The following SLC40A1 variants were observed in gnomAD, a reference collection of about 807,000 sequenced individuals.
SLC40A1 encodes the protein ferroportin.
Under a neutral mutation model 53.5 loss-of-function variants are expected in SLC40A1, and 16 were observed. The observed-to-expected ratio is 0.30, with a 90% CI of 0.20 to 0.45. The LOEUF is 0.45. Among genes scored for constraint, SLC40A1 ranks in the 20% least tolerant of loss-of-function variants. The pLI, the probability that SLC40A1 is intolerant of heterozygous loss-of-function variation, is 1.00. For synonymous variants in SLC40A1, 247 were observed against 253.2 expected (o/e 0.98, Z 0.23); for missense variants, 545 against 695.4 (o/e 0.78, Z 2.43).
chr2:189,578,835 T>C (rs1378269146), intron 2 of SLC40A1, among the ~76,000 whole-genome samples: 1 of 152,192 alleles, frequency 6.6e-6, no homozygotes, highest in East Asian at 1.9e-4. Context: ...ACCAATAATG[T>C]AGCTTAACAA....
At chr2:189,579,995 G>A (rs2031405030) in intron 1 of SLC40A1, 115 bp from the exon 2 acceptor site, 2 of 1,018,950 alleles carry the variant, frequency 2.0e-6, no homozygotes, top group African/African-American at 1.6e-5. Context: ...CTACTTTGCA[G>A]GACAAACCAC....
intron 7 of SLC40A1, among the ~76,000 whole-genome samples, 194 bp downstream of exon 7, chr2:189,563,390 A>G (rs1165673180): frequency 2.6e-5 from 4 of 152,130 alleles, no homozygotes; most frequent in African/African-American, 9.6e-5. Flanking sequence ...GTAAACAAAT[A>G]CAGGTTTTCA....
rs184704054 is a variant in SLC40A1, at chr2:189,578,424, T to C, written c.111+1389A>G. ...TAATGAACATGACAAAATATCCTCC[T>C]GGAACAACCACGGTGCCACTGGTTT... is the stretch of plus-strand genomic sequence containing the variant. On this transcript the variant is annotated intron_variant, in intron 2 of 7. Coordinates refer to ENST00000261024, the MANE Select transcript of SLC40A1 (RefSeq NM_014585.6). 310 of 966,852 alleles carry C rather than the reference T, an allele frequency of 3.2e-4. 2 individuals are homozygous for C. In the African/African-American group the frequency reaches 5.0e-3, roughly 16 times the overall value. The allele number at this position is 966,852 out of a possible 1,614,324, so 59.9% of individuals were successfully genotyped here.
chr2:189,571,915 G>A (rs760008480), intron 4 of SLC40A1, 74 bp from the exon 5 acceptor site: 65 of 919,780 alleles, frequency 7.1e-5, no homozygotes, highest in Non-Finnish European at 1.1e-4. Context: ...AAACAAGGCA[G>A]TTTAAAATAG....
intron 6 of SLC40A1, 55 bp from the exon 7 acceptor site, chr2:189,564,280 C>A: frequency 1.3e-6 from 2 of 1,500,938 alleles, no homozygotes; most frequent in African/African-American, 1.4e-5. Context: ...AAATAAAAGC[C>A]AATTATTAGT....
chr2:189,567,866 C>A (rs1253570432), intron 5 of SLC40A1, among the ~76,000 whole-genome samples: 1 of 152,192 alleles, frequency 6.6e-6, no homozygotes, highest in Non-Finnish European at 1.5e-5. Flanking sequence ...CTCCCACTAA[C>A]TAATAAGTTT....
rs13431938 is a variant in SLC40A1, at chr2:189,580,016, T to C, written c.44-136A>G. 711 of 876,806 alleles carry C rather than the reference T, an allele frequency of 8.1e-4. 3 individuals carry two copies. The African/African-American group carries it at 0.011, about 13-fold the overall frequency. 54.3% of individuals were successfully genotyped at this position (876,806 alleles called of 1,614,324 possible). Reference sequence around the variant, plus strand: ...TGCAGGACAAACCACGTACATTTTATCAAGTTACCTATGAACCGATGTATT... The same window carrying C: ...TGCAGGACAAACCACGTACATTTTACCAAGTTACCTATGAACCGATGTATT... On this transcript the variant is annotated intron_variant, in intron 1 of 7. Transcript: ENST00000261024.
intron 5 of SLC40A1, among the ~76,000 whole-genome samples, chr2:189,569,395 A>T (rs1039870255): frequency 6.6e-6 from 1 of 152,222 alleles, no homozygotes; most frequent in Admixed American, 6.5e-5. Flanking sequence ...CAGCCTGCAT[A>T]AACACAAATC....
chr2:189,565,321 G>T, intron 6 of SLC40A1, 33 bp downstream of exon 6: 1 of 1,613,380 alleles, frequency 6.2e-7, no homozygotes, highest in Non-Finnish European at 8.5e-7. Flanking sequence ...CTGAACATGA[G>T]AACAAAAGGA....
At position 189,563,671 on chromosome 2, in the gene SLC40A1, C is replaced by T. The variant is rs748714503; in HGVS notation, c.1315G>A (p.Ala439Thr). 2.5e-6 allele frequency: 4 copies of T among 1,614,076 alleles called. 1 individual carries two copies. In the South Asian group the frequency reaches 4.4e-5, roughly 18 times the overall value. The change falls in exon 7 of 8, where the codon GCT becomes ACT. Residue 439 changes from alanine (A) to threonine (T), a missense_variant. This residue lies in a region of SLC40A1 where 234 missense variants were observed against 299.0 expected (regional missense o/e 0.78). Coordinates refer to ENST00000261024, the MANE Select transcript of SLC40A1 (RefSeq NM_014585.6). ...EIYMSNGSNSANIVPETSPES... is the reference protein window; with the variant it reads ...EIYMSNGSNSTNIVPETSPES... ...GGACTTGTCTCCGGGACAATATTAGCAGAATTAGACCCATTAGACATGTAT... is the reference window on the plus strand; with the variant it reads ...GGACTTGTCTCCGGGACAATATTAGTAGAATTAGACCCATTAGACATGTAT...
At chr2:189,578,767 G>A (rs1307451897) in intron 2 of SLC40A1, among the ~76,000 whole-genome samples, 1 of 152,140 alleles carries the variant, frequency 6.6e-6, no homozygotes, top group Non-Finnish European at 1.5e-5. Flanking sequence ...GTAAGCCTCT[G>A]GTAAGATAGG....
At chr2:189,580,335 T>C in intron 1 of SLC40A1, 83 bp downstream of exon 1, 1 of 1,345,808 alleles carries the variant, frequency 7.4e-7, no homozygotes, top group South Asian at 1.2e-5. Context: ...CAGAGCCACA[T>C]TCCTCCAGAA....
chr2:189,576,626 A>G (rs1157279132), intron 2 of SLC40A1, among the ~76,000 whole-genome samples: 1 of 152,112 alleles, frequency 6.6e-6, no homozygotes, highest in African/African-American at 2.4e-5. Context: ...TTAACCTGAA[A>G]AGCAAATTTA....
chr2:189,564,296 T>A, intron 6 of SLC40A1, 71 bp from the exon 7 acceptor site: 1 of 1,366,782 alleles, frequency 7.3e-7, no homozygotes, highest in Non-Finnish European at 1.0e-6. Flanking sequence ...TTAGTAGTAC[T>A]TTTTTTCCTT....
chr2:189,565,388 C>T lies in SLC40A1; in HGVS notation c.726G>A (p.Glu242=), dbSNP rs2030903625. ...ALAVKAGLKE[E]ETELKQLNLH... is the part of the protein sequence containing the mutation. ...AATTCAGCTGTTTCAATTCAGTTTC[C>T]TCTTCTTTAAGACCAGCTTTCACAG... Residue 242 remains glutamate (E), a synonymous_variant, in exon 6 of 8, where the codon GAG becomes GAA. Transcript: ENST00000261024. The T allele has an allele frequency of 1.2e-6, 2 of 1,614,216 alleles. No individual in the cohort carries two copies. The highest frequency in any genetic ancestry group is 2.2e-5 in the South Asian group (2 of 91,082).
At chr2:189,564,847 C>A (rs1411940357) in intron 6 of SLC40A1, among the ~76,000 whole-genome samples, 2 of 151,968 alleles carry the variant, frequency 1.3e-5, no homozygotes, top group Non-Finnish European at 2.9e-5. Flanking sequence ...CTCAAAAAAA[C>A]AAAAAACAAC....
Position 189,565,428 on chromosome 2 carries a change from T to A in SLC40A1, c.686A>T (p.Lys229Ile). The A allele has an allele frequency of 6.2e-7, 1 of 1,614,242 alleles. No homozygotes were observed. Among genetic ancestry groups the A allele is most frequent in the East Asian group, 2.2e-5 (1 of 44,882 alleles). ...AGCTTTCACAGCTAGAGCTGGGGTT[T>A]TCTGGTAAACCTTCCAGAGCAGAAC... is the stretch of plus-strand genomic sequence containing the variant. The part of the protein sequence containing the change: ...EYVLLWKVYQ[K>I]TPALAVKAGL... Residue 229 changes from lysine (K) to isoleucine (I), a missense_variant, in exon 6 of 8, where the codon AAA (lysine) becomes ATA (isoleucine). Transcript: ENST00000261024.
At chr2:189,573,086 G>A (rs2031181844) in intron 3 of SLC40A1, 125 bp from the exon 4 acceptor site, 2 of 772,366 alleles carry the variant, frequency 2.6e-6, no homozygotes, top group Non-Finnish European at 2.3e-6. Flanking sequence ...CAGATAAAAA[G>A]AAAACCTTTC....
At position 189,580,645 on chromosome 2, in the gene SLC40A1, T is replaced by C. The variant is rs994527198; in HGVS notation, c.-185A>G. On this transcript the variant is annotated 5_prime_UTR_variant, in exon 1 of 8. Transcript: ENST00000261024. ...AAAGAAAAGGGGCCCAGGGATTTTC[T>C]TTTTTCCTTCTTTCCAAACTTAGCT... 1 of 1,522,320 alleles carries C rather than the reference T, an allele frequency of 6.6e-7. No individual in the cohort carries two copies. Among genetic ancestry groups the C allele is most frequent in the Non-Finnish European group, 8.8e-7 (1 of 1,140,390 alleles). 94.3% of individuals were successfully genotyped at this position (1,522,320 alleles called of 1,614,324 possible). A position where few individuals can be genotyped will look rare whatever the true frequency, so the allele number is the denominator to read the frequency against.
Sources: gnomAD v4.1 joint callset for allele counts (sites outside exome capture counted in the v4.1 genomes callset) on GRCh38, gnomAD v4.1.1 for gene constraint, gnomAD v4.1.1 regional missense constraint, MANE v1.5 for transcripts, NCBI Gene and HGNC (gene_info 2026-07-23, HGNC 2026-07-21) for gene names.